Variants in MIB1 observed in about 807,000 individuals in gnomAD.
MIB1 encodes MIB E3 ubiquitin protein ligase 1.
Under a neutral mutation model 124.5 loss-of-function variants are expected in MIB1, and 278 were observed. The ratio of observed to expected loss-of-function variants is 2.23; its 90% CI spans 2.02 to 2.47. MIB1 has a LOEUF of 2.47. Among genes scored for constraint, MIB1 ranks in the 30% most tolerant of loss-of-function variants. The pLI, the probability that MIB1 is intolerant of heterozygous loss-of-function variation, is 0.00. For synonymous variants in MIB1, 446 were observed against 429.4 expected, an observed-to-expected ratio of 1.04 and a Z score of -0.48; for missense variants, 957 against 1,254.4, an observed-to-expected ratio of 0.76 and a Z score of 3.58.
chr18:21,734,911 G>C (rs1241998131), intron 1 of MIB1, among the ~76,000 whole-genome samples: 1 of 152,126 alleles, frequency 6.6e-6, no homozygotes, highest in Non-Finnish European at 1.5e-5. Flanking sequence ...CAAGTCAATA[G>C]GAGTTAATTT....
intron 1 of MIB1, among the ~76,000 whole-genome samples, chr18:21,744,101 T>G (rs925913676): frequency 4.7e-5 from 7 of 149,352 alleles, no homozygotes; most frequent in Non-Finnish European, 7.5e-5. Context: ...TTCAGGGTTT[T>G]TTTTTTTTTT....
At chr18:21,707,213 T>C (rs996113267) in intron 1 of MIB1, among the ~76,000 whole-genome samples, 7 of 152,210 alleles carry the variant, frequency 4.6e-5, no homozygotes, top group Non-Finnish European at 8.8e-5. Context: ...ACCCTGTGTC[T>C]AGCTCAAGGT....
At chr18:21,773,117 T>C (rs2041240932) in intron 3 of MIB1, among the ~76,000 whole-genome samples, 1 of 151,922 alleles carries the variant, frequency 6.6e-6, no homozygotes, top group South Asian at 2.1e-4. Flanking sequence ...ACTACAAAAA[T>C]TAGCCAGGCG....
chr18:21,806,027 C>T (rs1000903217), intron 10 of MIB1, among the ~76,000 whole-genome samples: 10 of 151,168 alleles, frequency 6.6e-5, no homozygotes, highest in Admixed American at 2.6e-4. Context: ...CTCAGCCTCC[C>T]GAGTAGCTGA....
intron 1 of MIB1, among the ~76,000 whole-genome samples, chr18:21,721,158 A>ATTTT (rs1400884705): frequency 4.1e-5 from 3 of 73,082 alleles, no homozygotes; most frequent in Admixed American, 1.7e-4. Context: ...ATTTTAAAGA[A>ATTTT]GTTTTTTTTT....
intron 9 of MIB1, among the ~76,000 whole-genome samples, chr18:21,802,853 C>A (rs1350982837): frequency 6.6e-6 from 1 of 152,270 alleles, no homozygotes; most frequent in East Asian, 1.9e-4. Context: ...TAAATACCAT[C>A]CTATAGCAAT....
chr18:21,819,719 T>C, intron 12 of MIB1, 73 bp downstream of exon 12: 1 of 1,075,816 alleles, frequency 9.3e-7, no homozygotes. Flanking sequence ...TTTCTGATAC[T>C]GATGAAGAAA....
chr18:21,725,680 C>T (rs2040738377), intron 1 of MIB1, among the ~76,000 whole-genome samples: 1 of 152,040 alleles, frequency 6.6e-6, no homozygotes, highest in Non-Finnish European at 1.5e-5. Flanking sequence ...TAAATAAAAG[C>T]TTCCTCTTCC....
intron 10 of MIB1, among the ~76,000 whole-genome samples, chr18:21,807,079 A>G (rs1472166134): frequency 2.0e-5 from 3 of 152,232 alleles, no homozygotes; most frequent in African/African-American, 4.8e-5. Context: ...GAAAAGGGAT[A>G]TTAAGAACAC....
At chr18:21,844,287 G>A in intron 15 of MIB1, 34 bp downstream of exon 15, 1 of 1,602,982 alleles carries the variant, frequency 6.2e-7, no homozygotes, top group Non-Finnish European at 8.5e-7. Flanking sequence ...CAGTACCAGT[G>A]GAAGAATCTT....
chr18:21,844,180 CT>C lies in MIB1; in HGVS notation c.2139del (p.Gln714SerfsTer25), dbSNP rs1389997996. On this transcript the variant is annotated frameshift_variant, in exon 15 of 21. Coordinates refer to ENST00000261537, the MANE Select transcript of MIB1 (RefSeq NM_020774.4). LOFTEE classifies it high-confidence loss of function. ...GAAGCTCTAAGGCATCACACTTTGT[CT>C]CAGCTACGTCAGCTCCAAGATATGC... ...LHEALRHHTL[S>X]QLRQLQDMQD... 6.2e-7 allele frequency: 1 copy of C among 1,614,138 alleles called. No homozygotes were observed.
intron 3 of MIB1, 98 bp from the exon 4 acceptor site, chr18:21,773,526 A>T: frequency 2.7e-6 from 2 of 736,924 alleles, no homozygotes; most frequent in Non-Finnish European, 4.5e-6. Context: ...ACAGGTTGCT[A>T]GATGAAATGA....
At position 21,864,847 on chromosome 18, in the gene MIB1, T is replaced by G. The variant is rs1307583069; in HGVS notation, c.*181T>G. On this transcript the variant is annotated 3_prime_UTR_variant, in exon 21 of 21. Transcript: ENST00000261537. ...CTACAAAATGGTGTTGGAAATTGTG[T>G]TTTTTGTTTTTGTTTTAAATTTGAA... 1 of 423,784 alleles carries G rather than the reference T, an allele frequency of 2.4e-6. No homozygotes were observed. The highest frequency in any genetic ancestry group is 4.1e-6 in the Non-Finnish European group (1 of 243,688). 26.3% of individuals were successfully genotyped at this position (423,784 alleles called of 1,614,324 possible).
In MIB1 at chr18:21,791,502, A is replaced by C. The variant is rs777217145; in HGVS notation, c.1037A>C (p.Glu346Ala). 1 of 1,614,098 alleles carries C rather than the reference A, an allele frequency of 6.2e-7. No individual in the cohort carries two copies. Among genetic ancestry groups the C allele is most frequent in the South Asian group, 1.1e-5 (1 of 91,068 alleles). Residue 346 changes from glutamate to alanine, a missense_variant, in exon 7 of 21, where the codon GAA (glutamate) becomes GCA (alanine). Physicochemically the swap from Glu to Ala is moderately radical, Grantham distance 107. Transcript: ENST00000261537. Reference sequence around the variant, plus strand: ...CTTGTACAAGTTTGTTATGACCTGGAACGAATTAAACTTCTACAAAGAGGA... The same window carrying C: ...CTTGTACAAGTTTGTTATGACCTGGCACGAATTAAACTTCTACAAAGAGGA... ...GDLVQVCYDL[E>A]RIKLLQRGHG...
At chr18:21,850,079 T>C (rs1358582018) in intron 17 of MIB1, among the ~76,000 whole-genome samples, 2 of 152,144 alleles carry the variant, frequency 1.3e-5, no homozygotes, top group Non-Finnish European at 2.9e-5. Flanking sequence ...AAAATCTATA[T>C]CTACTCTGAA....
chr18:21,737,403 C>T (rs929466857), upstream of MIB1, among the ~76,000 whole-genome samples: 2 of 152,102 alleles, frequency 1.3e-5, no homozygotes, highest in African/African-American at 4.8e-5. Flanking sequence ...AAGGAACAGC[C>T]AGTACCAGCC....
In MIB1 at chr18:21,768,772, T is replaced by C; in HGVS notation, c.531+20T>C. 3.8e-6 allele frequency: 6 copies of C among 1,597,118 alleles called. No homozygotes were observed. Among genetic ancestry groups the C allele is most frequent in the Non-Finnish European group, 5.1e-6 (6 of 1,170,862 alleles). On this transcript the variant is annotated intron_variant, in intron 3 of 20. Transcript: ENST00000261537. ...GGAAAGGTACAGTGTTTCTCTGAAT[T>C]CATTATGTATTCTAGAGTATTATAT...
chr18:21,748,387 T>C, intron 1 of MIB1, among the ~76,000 whole-genome samples: 3 of 79,926 alleles, frequency 3.8e-5, no homozygotes, highest in South Asian at 6.0e-4. Flanking sequence ...CCCCTCCCTC[T>C]CTCCCCCCTC....
At chr18:21,788,137 T>C (rs1015755125) in intron 6 of MIB1, among the ~76,000 whole-genome samples, 1 of 152,232 alleles carries the variant, frequency 6.6e-6, no homozygotes, top group Non-Finnish European at 1.5e-5. Flanking sequence ...AGGCTAGGGA[T>C]GTCTTTTTAA....
Sources: allele counts gnomAD v4.1 joint callset (sites outside exome capture counted in the v4.1 genomes callset), GRCh38; gene constraint gnomAD v4.1.1; transcripts MANE v1.5; gene names NCBI Gene and HGNC (gene_info 2026-07-23, HGNC 2026-07-21).